RFC3: variants seen among roughly 807,000 people sequenced by gnomAD.
RFC3 encodes A1 38 kDa subunit.
A neutral mutation model predicts 45.1 loss-of-function variants in RFC3; 41 were observed. The observed-to-expected ratio is 0.91, with a 90% confidence interval of 0.71 to 1.18. The LOEUF (loss-of-function observed/expected upper bound fraction) is 1.18, where lower values mean the gene tolerates loss of function less well. Among genes scored for constraint, RFC3 ranks in the 50% most tolerant of loss-of-function variants. The pLI is 0.00. For synonymous variants in RFC3, 149 were observed against 144.0 expected (o/e 1.03, Z -0.25); for missense variants, 423 against 428.1 (o/e 0.99, Z 0.10).
At chr13:33,862,435 A>G (rs2082346984) in intron 8 of RFC3, among the ~76,000 whole-genome samples, 1 of 152,114 alleles carries the variant, frequency 6.6e-6, no homozygotes, top group Non-Finnish European at 1.5e-5. Flanking sequence ...TCTTTATGCA[A>G]CTTTTTCCAT....
chr13:33,941,031 G>C (rs1258771914), intron 8 of RFC3, among the ~76,000 whole-genome samples: 1 of 152,216 alleles, frequency 6.6e-6, no homozygotes, highest in African/African-American at 2.4e-5. Flanking sequence ...GTGCAGATGA[G>C]GAAACCTGCC....
At chr13:33,859,925 C>T (rs1281497910) in intron 8 of RFC3, among the ~76,000 whole-genome samples, 1 of 152,054 alleles carries the variant, frequency 6.6e-6, no homozygotes, top group African/African-American at 2.4e-5. Context: ...GGAGATAGGG[C>T]CTTTCAGGAG....
chr13:33,927,009 G>T (rs1359084126), intron 8 of RFC3, among the ~76,000 whole-genome samples: 1 of 151,872 alleles, frequency 6.6e-6, no homozygotes, highest in African/African-American at 2.4e-5. Context: ...GTGAAGTATA[G>T]GAAAGTTTTA....
chr13:33,859,351 A>C (rs1485299588), intron 8 of RFC3, among the ~76,000 whole-genome samples: 3 of 152,230 alleles, frequency 2.0e-5, no homozygotes, highest in Non-Finnish European at 4.4e-5. Flanking sequence ...ACATACTTAT[A>C]ATAGAGACGA....
chr13:33,877,478 A>G (rs2082455753), intron 8 of RFC3, among the ~76,000 whole-genome samples: 1 of 152,192 alleles, frequency 6.6e-6, no homozygotes, highest in Admixed American at 6.5e-5. Context: ...AGAACCTGAC[A>G]CTTTGATATG....
At chr13:33,920,296 TA>T (rs976181713) in intron 8 of RFC3, among the ~76,000 whole-genome samples, 2 of 152,130 alleles carry the variant, frequency 1.3e-5, no homozygotes, top group African/African-American at 4.8e-5. Context: ...TCAAGAAATT[TA>T]TTCTTCCAAA....
chr13:33,925,051 A>ATATACACACATATATAGTGTAC lies in RFC3; in HGVS notation c.880-41032_880-41031insCACACATATATAGTGTACTATA, dbSNP rs1378380782. The stretch of plus-strand genomic sequence containing the variant: ...ATATACATATATATAGTGTACATAT[A>ATATACACACATATATAGTGTAC]TATATACACATATATAGTGTACTAT... On this transcript the variant is annotated intron_variant, in intron 8 of 8. Coordinates refer to the RFC3 transcript ENST00000434425. Among the ~76,000 whole-genome samples, 84 of 145,488 alleles carry ATATACACACATATATAGTGTAC rather than the reference A, an allele frequency of 5.8e-4. 1 individual carries two copies. The highest frequency in any genetic ancestry group is 2.2e-3 in the African/African-American group (80 of 37,012).
intron 8 of RFC3, among the ~76,000 whole-genome samples, chr13:33,919,295 A>AT (rs143197013): frequency 1.4e-4 from 21 of 147,726 alleles, no homozygotes; most frequent in South Asian, 2.1e-4. Context: ...CAGCAAATCC[A>AT]TTTTTTTTTT....
chr13:33,900,101 A>T (rs1028953611), intron 8 of RFC3, among the ~76,000 whole-genome samples: 8 of 152,008 alleles, frequency 5.3e-5, no homozygotes, highest in Non-Finnish European at 1.2e-4. Flanking sequence ...TGACAATACT[A>T]CTCAAAGAAA....
intron 8 of RFC3, among the ~76,000 whole-genome samples, chr13:33,890,808 AG>A (rs1469276699): frequency 1.3e-5 from 2 of 152,216 alleles, no homozygotes; most frequent in Non-Finnish European, 2.9e-5. Flanking sequence ...CACAGCTTGT[AG>A]GTGGGCCAGC....
At chr13:33,836,050 C>T in intron 8 of RFC3, 54 bp from the exon 9 acceptor site, 1 of 1,520,604 alleles carries the variant, frequency 6.6e-7, no homozygotes, top group South Asian at 1.2e-5. Flanking sequence ...AGAAATAAGG[C>T]ATGCTTAGCT....
downstream of RFC3, among the ~76,000 whole-genome samples, chr13:33,968,842 A>G (rs919419990): frequency 1.2e-4 from 18 of 152,232 alleles, no homozygotes; most frequent in African/African-American, 4.3e-4. Flanking sequence ...ATTAAAGAGA[A>G]GAGACACAGA....
intron 8 of RFC3, chr13:33,848,215 C>G (rs996034761): frequency 1.3e-5 from 2 of 152,168 alleles, no homozygotes; most frequent in African/African-American, 4.8e-5. Flanking sequence ...TAGACCTTTC[C>G]CATTGTTCCT....
rs879598852 is a variant in RFC3, at chr13:33,836,736, A to G, written c.*441A>G. 3.0e-6 allele frequency: 3 copies of G among 984,570 alleles called. No individual in the cohort carries two copies. Among genetic ancestry groups the G allele is most frequent in the Non-Finnish European group, 3.6e-6 (3 of 829,058 alleles). 61.0% of individuals were successfully genotyped at this position (984,570 alleles called of 1,614,324 possible). On this transcript the variant is annotated 3_prime_UTR_variant, in exon 9 of 9. Transcript: ENST00000380071. ...CTAGTTTCTCTCAATGAATAATTGT[A>G]TTTTTGTAGGAAATGTAAGATTTCA... is the stretch of plus-strand genomic sequence containing the variant.
intron 8 of RFC3, among the ~76,000 whole-genome samples, chr13:33,859,916 G>A (rs1050872366): frequency 2.0e-5 from 3 of 152,148 alleles, no homozygotes; most frequent in Non-Finnish European, 4.4e-5. Flanking sequence ...ACTATACATG[G>A]AGATAGGGCC....
Position 33,832,724 on chromosome 13 carries a change from T to G in RFC3, c.809+1370T>G, listed in dbSNP as rs3135616. On this transcript the variant is annotated intron_variant, in intron 7 of 8. Coordinates refer to ENST00000380071, the MANE Select transcript of RFC3 (RefSeq NM_002915.4). Reference sequence around the variant, plus strand: ...AAAGAGACCTCACCCTTTAAAGAGATAAAATTCAAATAAAGCATGTCTTAG... The same window carrying G: ...AAAGAGACCTCACCCTTTAAAGAGAGAAAATTCAAATAAAGCATGTCTTAG... 7.7e-3 allele frequency among the ~76,000 whole-genome samples: 1,171 copies of G among 152,286 alleles called. 14 individuals carry two copies. The highest frequency in any genetic ancestry group is 0.027 in the African/African-American group (1,125 of 41,576).
At chr13:33,938,078 A>C (rs2082898698) in intron 8 of RFC3, among the ~76,000 whole-genome samples, 1 of 150,752 alleles carries the variant, frequency 6.6e-6, no homozygotes, top group South Asian at 2.1e-4. Flanking sequence ...CCTCTCCCTC[A>C]AATCCCTCCC....
chr13:33,821,779 T>C (rs902224410), intron 2 of RFC3, among the ~76,000 whole-genome samples: 3 of 152,228 alleles, frequency 2.0e-5, no homozygotes, highest in East Asian at 1.9e-4. Context: ...CACATTCTTA[T>C]GCTCTTCCAT....
chr13:33,822,977 C>T (rs2082016656), intron 2 of RFC3, among the ~76,000 whole-genome samples: 1 of 152,098 alleles, frequency 6.6e-6, no homozygotes, highest in Non-Finnish European at 1.5e-5. Context: ...GAAAGACAAT[C>T]TGGTAGAAAA....
Sources: gnomAD v4.1 joint callset for allele counts (sites outside exome capture counted in the v4.1 genomes callset) on GRCh38, gnomAD v4.1.1 for gene constraint, MANE v1.5 for transcripts, NCBI Gene and HGNC (gene_info 2026-07-23, HGNC 2026-07-21) for gene names.